The following PCLO variants were observed in gnomAD, a reference collection of about 807,000 sequenced individuals.
PCLO encodes piccolo presynaptic cytomatrix protein.
In PCLO, 82 loss-of-function variants were observed where a neutral mutation model predicts 427.5. That is an observed-to-expected ratio of 0.19 (90% CI 0.16 to 0.23). PCLO has a LOEUF of 0.23. Among genes scored for constraint, PCLO ranks in the 10% least tolerant of loss-of-function variants. The probability of loss-of-function intolerance (pLI) is 1.00; values close to 1 mark genes in which losing one functional copy is unlikely to be tolerated. For synonymous variants in PCLO, 2,357 were observed against 2,155.4 expected (o/e 1.09, Z -2.59); for missense variants, 6,239 against 6,115.9 (o/e 1.02, Z -0.67).
At position 83,156,090 on chromosome 7, in the gene PCLO, G is replaced by A; in HGVS notation, c.551C>T (p.Ala184Val). ...TTTCTTGGTGGTTTCTTCCTGGGAT[G>A]CCTCAGAGTCTGATATCAAATCAAA... ...NPFDLISDSE[A>V]SQEETTKKQK... The change falls in exon 2 of 25, where the codon GCA becomes GTA. Residue 184 changes from alanine (A) to valine (V), a missense_variant. This residue lies in a region of PCLO where 4,677 missense variants were observed against 4,468.4 expected (regional missense o/e 1.05). Transcript: ENST00000333891. The A allele has an allele frequency of 6.2e-7, 1 of 1,613,606 alleles. No homozygotes were observed. The highest frequency in any genetic ancestry group is 8.5e-7 in the Non-Finnish European group (1 of 1,179,798).
chr7:82,895,520 C>A (rs956192030), intron 9 of PCLO, among the ~76,000 whole-genome samples: 3 of 151,438 alleles, frequency 2.0e-5, no homozygotes, highest in African/African-American at 7.3e-5. Context: ...GGAGAAAAAT[C>A]AATAAAAGCA....
intron 3 of PCLO, among the ~76,000 whole-genome samples, chr7:83,106,476 T>TTA (rs1414649335): frequency 6.6e-6 from 1 of 152,202 alleles, no homozygotes; most frequent in Admixed American, 6.5e-5. Context: ...CCTACTTTCC[T>TTA]TATATTTGCA....
At chr7:83,029,679 T>C (rs535827076) in intron 3 of PCLO, among the ~76,000 whole-genome samples, 249 of 123,912 alleles carry the variant, frequency 2.0e-3, no homozygotes, top group South Asian at 0.012. Flanking sequence ...TACTGCGGCA[T>C]TATTCACAAT....
chr7:82,900,655 T>G (rs889397329), intron 9 of PCLO, among the ~76,000 whole-genome samples: 9 of 151,362 alleles, frequency 5.9e-5, no homozygotes, highest in African/African-American at 2.2e-4. Context: ...GATATAGGAG[T>G]CAAACAATTA....
intron 16 of PCLO, among the ~76,000 whole-genome samples, chr7:82,835,167 ATC>A (rs1792200620): frequency 6.6e-6 from 1 of 152,018 alleles, no homozygotes; most frequent in African/African-American, 2.4e-5. Flanking sequence ...GATGGTCTCG[ATC>A]TCCTGACCTT....
intron 6 of PCLO, among the ~76,000 whole-genome samples, chr7:82,924,102 A>C (rs1393970104): frequency 6.6e-6 from 1 of 152,114 alleles, no homozygotes; most frequent in East Asian, 1.9e-4. Context: ...ATTGATGATG[A>C]GAATCCTACT....
intron 9 of PCLO, among the ~76,000 whole-genome samples, chr7:82,895,128 A>C (rs1026663317): frequency 6.6e-6 from 1 of 152,052 alleles, no homozygotes; most frequent in Admixed American, 6.6e-5. Context: ...GAATCATACC[A>C]AATAGGTTTT....
chr7:82,794,915 C>T (rs2079139), intron 22 of PCLO, among the ~76,000 whole-genome samples: 52,738 of 151,766 alleles, frequency 0.35, 9,587 homozygotes, highest in African/African-American at 0.42. Context: ...TTGCTCATTG[C>T]TTTTATTTTT....
chr7:83,143,699 T>TAATC (rs1346774751), intron 2 of PCLO, among the ~76,000 whole-genome samples: 52 of 149,498 alleles, frequency 3.5e-4, no homozygotes, highest in African/African-American at 1.2e-3. Flanking sequence ...GTAAAATAAT[T>TAATC]ACAGTACACG....
intron 6 of PCLO, among the ~76,000 whole-genome samples, chr7:82,949,256 TACAC>T (rs369915572): frequency 8.0e-5 from 12 of 149,802 alleles, no homozygotes; most frequent in Non-Finnish European, 8.9e-5. Context: ...TATGGTTTCC[TACAC>T]ACACACACAC....
chr7:82,913,792 CAGTT>C (rs1173890443), intron 7 of PCLO, among the ~76,000 whole-genome samples: 1 of 151,856 alleles, frequency 6.6e-6, no homozygotes, highest in Non-Finnish European at 1.5e-5. Context: ...TACTTTAAAT[CAGTT>C]TTTAGTTAAG....
chr7:83,113,722 G>T (rs1346883167), intron 3 of PCLO, among the ~76,000 whole-genome samples: 2 of 152,022 alleles, frequency 1.3e-5, no homozygotes, highest in Non-Finnish European at 2.9e-5. Flanking sequence ...AGGTAGAAGG[G>T]TAATTTTGTA....
chr7:82,886,195 T>G (rs1793623923), intron 9 of PCLO, among the ~76,000 whole-genome samples: 1 of 152,216 alleles, frequency 6.6e-6, no homozygotes, highest in Admixed American at 6.5e-5. Context: ...TAGCCACAAC[T>G]AATTAGTTAG....
chr7:82,846,616 T>G lies in PCLO; in HGVS notation c.13782A>C (p.Ser4594=). ...ICVRLDLNML[S]DSENSQHLEL... Reference sequence around the variant, plus strand: ...CCAGATGCTGGGAATTTTCAGAATCTGATAGCATATTGAGGTCCCTAAAAA... The same window carrying G: ...CCAGATGCTGGGAATTTTCAGAATCGGATAGCATATTGAGGTCCCTAAAAA... Residue 4594 remains serine, a synonymous_variant, in exon 12 of 25, where the codon TCA becomes TCC. Coordinates refer to ENST00000333891, the MANE Select transcript of PCLO (RefSeq NM_033026.6). 1 of 1,606,592 alleles carries G rather than the reference T, an allele frequency of 6.2e-7. No homozygotes were observed.
intron 3 of PCLO, among the ~76,000 whole-genome samples, chr7:83,074,782 A>G (rs1202833038): frequency 6.6e-6 from 1 of 152,146 alleles, no homozygotes; most frequent in African/African-American, 2.4e-5. Flanking sequence ...TGATCCAAAT[A>G]CTGCATGAAG....
At chr7:83,107,943 C>G (rs1025071958) in intron 3 of PCLO, among the ~76,000 whole-genome samples, 14 of 135,400 alleles carry the variant, frequency 1.0e-4, no homozygotes, top group African/African-American at 3.9e-4. Context: ...GAGCCAAGAT[C>G]GTGCCACTGC....
rs767222339 is a variant in PCLO at position 82,760,943 on chromosome 7, C to CTTTTTT, written c.15143-165_15143-160dup. Among the ~76,000 whole-genome samples the CTTTTTT allele has an allele frequency of 9.8e-4, 59 of 60,398 alleles. 7 individuals carry two copies. Among genetic ancestry groups the CTTTTTT allele is most frequent in the African/African-American group, 3.3e-3 (50 of 15,342 alleles). The allele number at this position is 60,398 out of a possible 152,430, so 39.6% of individuals were successfully genotyped here. A position where few individuals can be genotyped will look rare whatever the true frequency, so the allele number is the denominator to read the frequency against. On this transcript the variant is annotated intron_variant, in intron 23 of 24. Coordinates refer to ENST00000333891, the MANE Select transcript of PCLO (RefSeq NM_033026.6). Reference sequence around the variant, plus strand: ...AACATAAAATGATTAAAAGATATGTCTTTTTTTTTTTTTTTTTTTTTTTTT... The same window carrying CTTTTTT: ...AACATAAAATGATTAAAAGATATGTCTTTTTTTTTTTTTTTTTTTTTTTTTTTTTTT...
intron 2 of PCLO, among the ~76,000 whole-genome samples, chr7:83,136,302 T>C (rs1480936456): frequency 6.6e-6 from 1 of 152,186 alleles, no homozygotes; most frequent in Non-Finnish European, 1.5e-5. Context: ...TATGTGTTTT[T>C]TTAACAAGCT....
chr7:83,157,942 T>C (rs1008757911), intron 1 of PCLO, among the ~76,000 whole-genome samples: 23 of 152,100 alleles, frequency 1.5e-4, no homozygotes, highest in African/African-American at 5.5e-4. Flanking sequence ...TTTTATTTCA[T>C]ATTCAATACT....
Sources: allele counts gnomAD v4.1 joint callset (sites outside exome capture counted in the v4.1 genomes callset), GRCh38; gene constraint gnomAD v4.1.1; regional missense constraint gnomAD v4.1.1; transcripts MANE v1.5; gene names NCBI Gene and HGNC (gene_info 2026-07-23, HGNC 2026-07-21).